The following ANK2 variants were observed in gnomAD, a reference collection of about 807,000 sequenced individuals.
ANK2 encodes the protein ankyrin-2.
ANK2 carries 83 observed loss-of-function variants against 360.5 expected under a neutral mutation model. The observed-to-expected ratio is 0.23, with a 90% CI of 0.19 to 0.28. ANK2 has a LOEUF of 0.28. Ranked by LOEUF, ANK2 falls within the 10% of genes least tolerant of loss-of-function variation. ANK2 has a pLI of 1.00. For synonymous variants in ANK2, 1,740 were observed against 1,759.5 expected (o/e 0.99, Z 0.28); for missense variants, 4,201 against 4,795.7 (o/e 0.88, Z 3.66).
At chr4:113,333,421 T>C (rs1235310890) in intron 29 of ANK2, among the ~76,000 whole-genome samples, 1 of 152,068 alleles carries the variant, frequency 6.6e-6, no homozygotes, top group Non-Finnish European at 1.5e-5. Context: ...ATTTTACTCC[T>C]GTTACATTCA....
chr4:112,885,282 C>T (rs185426310), intron 1 of ANK2, among the ~76,000 whole-genome samples: 49 of 151,562 alleles, frequency 3.2e-4, no homozygotes, highest in African/African-American at 1.1e-3. Flanking sequence ...GGGTGGATCA[C>T]GAGGTCAGGA....
chr4:113,333,515 C>T (rs900043124), intron 29 of ANK2, among the ~76,000 whole-genome samples: 20 of 151,662 alleles, frequency 1.3e-4, no homozygotes, highest in African/African-American at 3.6e-4. Flanking sequence ...TTTTTTGAGC[C>T]GAAAATGAGA....
intron 2 of ANK2, among the ~76,000 whole-genome samples, chr4:112,916,099 AAAGTAT>A (rs1482203460): frequency 6.6e-6 from 1 of 152,194 alleles, no homozygotes; most frequent in Non-Finnish European, 1.5e-5. Flanking sequence ...CTACCTAGTA[AAAGTAT>A]ATTTGTTTTA....
chr4:112,782,716 A>G, the ANK2 span, among the ~76,000 whole-genome samples: 4 of 151,668 alleles, frequency 2.6e-5, no homozygotes, highest in Non-Finnish European at 4.4e-5. Flanking sequence ...CAAAAATACA[A>G]AAATTAGCTG....
intron 1 of ANK2, among the ~76,000 whole-genome samples, chr4:113,085,113 C>T (rs377335318): frequency 1.3e-5 from 2 of 152,140 alleles, no homozygotes; most frequent in Non-Finnish European, 2.9e-5. Context: ...CATTCGTGTA[C>T]GTTTTTCAGG....
At chr4:112,999,548 C>A (rs1311740996) in intron 2 of ANK2, among the ~76,000 whole-genome samples, 1 of 151,848 alleles carries the variant, frequency 6.6e-6, no homozygotes, top group East Asian at 1.9e-4. Flanking sequence ...ATATTTTGTG[C>A]TTTTATAAGC....
chr4:112,721,541 CAAAAAAAAAAAAAAA>C, the ANK2 span, among the ~76,000 whole-genome samples: 1 of 46,876 alleles, frequency 2.1e-5, no homozygotes, highest in African/African-American at 9.7e-5. Context: ...GACCCCATCT[CAAAAAAAAAAAAAAA>C]AAAAAAAAAA....
chr4:113,113,798 C>A (rs563249197), intron 1 of ANK2, among the ~76,000 whole-genome samples: 16 of 152,290 alleles, frequency 1.1e-4, no homozygotes, highest in East Asian at 5.8e-4. Flanking sequence ...GAGCTACTCT[C>A]TTTCCTCAGA....
At chr4:113,380,269 GA>G (rs1450671810) in intron 45 of ANK2, among the ~76,000 whole-genome samples, 4 of 151,676 alleles carry the variant, frequency 2.6e-5, no homozygotes, top group African/African-American at 9.7e-5. Context: ...AAAAAAAGAA[GA>G]ATATATAGTG....
At chr4:113,309,262 C>A (rs1017076165) in intron 23 of ANK2, among the ~76,000 whole-genome samples, 1 of 152,158 alleles carries the variant, frequency 6.6e-6, no homozygotes, top group African/African-American at 2.4e-5. Context: ...CTGCTTTCAG[C>A]ATTTAGGGAC....
At chr4:113,048,128 T>C (rs1280781469), upstream of ANK2, among the ~76,000 whole-genome samples, 1 of 151,262 alleles carries the variant, frequency 6.6e-6, no homozygotes, top group Non-Finnish European at 1.5e-5. Context: ...CTATTTTTAC[T>C]TCTAAGTATG....
chr4:112,775,544 C>CACACACACACACACACACACACACAA, the ANK2 span, among the ~76,000 whole-genome samples: 6 of 151,330 alleles, frequency 4.0e-5, no homozygotes, highest in Non-Finnish European at 7.4e-5. Flanking sequence ...CACACACACA[C>CACACACACACACACACACACACACAA]AAGAAAAAAA....
chr4:113,274,334 T>A (rs2059502138), intron 14 of ANK2, 118 bp from the exon 15 acceptor site: 3 of 1,142,280 alleles, frequency 2.6e-6, no homozygotes, highest in Non-Finnish European at 3.9e-6. Context: ...GTAATGATTT[T>A]CTTTTGGGTG....
Position 113,355,720 on chromosome 4 carries a change from G to A in ANK2, c.7102G>A (p.Glu2368Lys), listed in dbSNP as rs2095714626. 2.5e-6 allele frequency: 4 copies of A among 1,614,142 alleles called. No individual in the cohort carries two copies. The highest frequency in any genetic ancestry group is 1.1e-5 in the South Asian group (1 of 91,088). ...AGCCCACAAGACACAAACTGATAGT[G>A]AGGTTCAAGAATCCACAGCCACCTC... ...SSAHKTQTDS[E>K]VQESTATSDE... Residue 2368 changes from glutamate (E) to lysine (K), a missense_variant, in exon 38 of 46, where the codon GAG (glutamate) becomes AAG (lysine). Transcript: ENST00000357077.
At position 113,356,272 on chromosome 4, in the gene ANK2, C is replaced by T; in HGVS notation, c.7654C>T (p.Pro2552Ser). ...TGAAGAAGTCAGCTATGAGGTTACACCCAAAACCACAGATGTAAGTACACC... is the reference window on the plus strand; with the variant it reads ...TGAAGAAGTCAGCTATGAGGTTACATCCAAAACCACAGATGTAAGTACACC... ...SSEEVSYEVTPKTTDVSTPKP... is the reference protein window; with the variant it reads ...SSEEVSYEVTSKTTDVSTPKP... The change falls in exon 38 of 46, where the codon CCC becomes TCC. Residue 2552 changes from proline to serine, a missense_variant. By Grantham distance (74) the Pro-to-Ser change is moderately conservative. This residue lies in a region of ANK2 where 2,642 missense variants were observed against 2,714.5 expected (regional missense o/e 0.97). Coordinates refer to ENST00000357077, the MANE Select transcript of ANK2 (RefSeq NM_001148.6). The T allele has an allele frequency of 1.9e-6, 3 of 1,614,056 alleles. No homozygotes were observed. The highest frequency in any genetic ancestry group is 2.5e-6 in the Non-Finnish European group (3 of 1,179,984).
intron 45 of ANK2, chr4:113,374,720 T>C: frequency 1.0e-6 from 1 of 1,000,874 alleles, no homozygotes; most frequent in Non-Finnish European, 1.2e-6. Context: ...CATAGTTACA[T>C]TTGGCAATCA....
intron 18 of ANK2, among the ~76,000 whole-genome samples, chr4:113,283,249 G>T (rs187816222): frequency 9.9e-5 from 15 of 152,226 alleles, no homozygotes; most frequent in South Asian, 6.2e-4. Flanking sequence ...CATATGTATA[G>T]AGAGAGAAAG....
At chr4:113,278,190 T>A (rs2060945725) in intron 16 of ANK2, among the ~76,000 whole-genome samples, 1 of 152,214 alleles carries the variant, frequency 6.6e-6, no homozygotes, top group South Asian at 2.1e-4. Context: ...ATCCCTGCAA[T>A]GTTAATGTAG....
intron 2 of ANK2, among the ~76,000 whole-genome samples, chr4:112,957,752 C>G (rs2030889145): frequency 6.6e-6 from 1 of 152,028 alleles, no homozygotes; most frequent in African/African-American, 2.4e-5. Flanking sequence ...CTCCTCACTT[C>G]CCAGACGGGG....
Sources: allele counts gnomAD v4.1 joint callset (sites outside exome capture counted in the v4.1 genomes callset), GRCh38; gene constraint gnomAD v4.1.1; regional missense constraint gnomAD v4.1.1; transcripts MANE v1.5; gene names NCBI Gene and HGNC (gene_info 2026-07-23, HGNC 2026-07-21).